The following TRPC4AP variants were observed in gnomAD, a reference collection of about 807,000 sequenced individuals.
TRPC4AP encodes short transient receptor potential channel 4-associated protein.
In TRPC4AP, 45 loss-of-function variants were observed where a neutral mutation model predicts 99.0. The ratio of observed to expected loss-of-function variants is 0.45; its 90% CI spans 0.36 to 0.58. TRPC4AP has a LOEUF of 0.58. TRPC4AP is among the 20% of genes least tolerant of loss of function. The probability of loss-of-function intolerance (pLI) is 0.00; values close to 1 mark genes in which losing one functional copy is unlikely to be tolerated. For missense variants in TRPC4AP, 879 were observed against 985.3 expected (o/e 0.89, Z 1.44); for synonymous variants, 408 against 385.8 (o/e 1.06, Z -0.67).
At chr20:35,023,330 G>C (rs1279051872) in intron 8 of TRPC4AP, among the ~76,000 whole-genome samples, 1 of 152,176 alleles carries the variant, frequency 6.6e-6, no homozygotes, top group Non-Finnish European at 1.5e-5. Flanking sequence ...GTAAGGAGTA[G>C]AGGGATATAC....
intron 1 of TRPC4AP, among the ~76,000 whole-genome samples, chr20:35,086,471 G>GTATA (rs1295152352): frequency 1.2e-5 from 1 of 83,402 alleles, no homozygotes; most frequent in Admixed American, 1.5e-4. Flanking sequence ...GTGTGTGTGT[G>GTATA]TGTGTATGTG....
intron 7 of TRPC4AP, among the ~76,000 whole-genome samples, chr20:35,036,037 A>AT (rs2083308929): frequency 1.3e-5 from 2 of 151,338 alleles, no homozygotes; most frequent in South Asian, 4.1e-4. Flanking sequence ...AAAGATAAAC[A>AT]TTTTTTTAAG....
intron 16 of TRPC4AP, 125 bp downstream of exon 16, chr20:35,005,570 G>T: frequency 1.2e-6 from 1 of 819,316 alleles, no homozygotes; most frequent in Non-Finnish European, 1.9e-6. Flanking sequence ...GCCACCTTGA[G>T]GCCGGCCACG....
chr20:35,028,378 C>T (rs2083081388), intron 8 of TRPC4AP, among the ~76,000 whole-genome samples: 1 of 152,046 alleles, frequency 6.6e-6, no homozygotes, highest in Non-Finnish European at 1.5e-5. Context: ...AGGTGTGAGC[C>T]ACCGCGCCCG....
chr20:35,074,995 G>C (rs1010079293), intron 2 of TRPC4AP, among the ~76,000 whole-genome samples: 1 of 152,120 alleles, frequency 6.6e-6, no homozygotes, highest in Non-Finnish European at 1.5e-5. Context: ...TTGTTGAATT[G>C]ATCCCTTTAC....
At chr20:35,069,533 A>C (rs556997333) in intron 2 of TRPC4AP, 121 bp from the exon 3 acceptor site, 4 of 659,330 alleles carry the variant, frequency 6.1e-6, no homozygotes, top group African/African-American at 3.6e-5. Context: ...ACAGTCCCCA[A>C]TGAACCACAC....
chr20:35,006,434 C>T lies in TRPC4AP; in HGVS notation c.1827+1G>A. The T allele has an allele frequency of 1.9e-6, 3 of 1,614,016 alleles. No homozygotes were observed. Among genetic ancestry groups the T allele is most frequent in the East Asian group, 2.2e-5 (1 of 44,884 alleles). On this transcript the variant is annotated splice_donor_variant, in intron 15 of 18. Transcript: ENST00000252015. LOFTEE classifies it high-confidence loss of function. The stretch of plus-strand genomic sequence containing the variant: ...TCCACAGAGCCCTGGGTTAACTTTA[C>T]CTTTGCATCGGTGTTGATATATTTA...
intron 16 of TRPC4AP, 70 bp downstream of exon 16, chr20:35,005,625 G>A (rs992342042): frequency 4.2e-6 from 6 of 1,433,542 alleles, no homozygotes; most frequent in Non-Finnish European, 5.9e-6. Context: ...TCTCCCTGCT[G>A]GAGACAGGGT....
chr20:35,023,129 T>G (rs1333370674), intron 8 of TRPC4AP, among the ~76,000 whole-genome samples: 2 of 152,164 alleles, frequency 1.3e-5, no homozygotes, highest in Non-Finnish European at 2.9e-5. Flanking sequence ...GACAAGCTGC[T>G]GAATGAAGTG....
intron 1 of TRPC4AP, among the ~76,000 whole-genome samples, chr20:35,080,669 G>A (rs1428857699): frequency 6.6e-6 from 1 of 152,142 alleles, no homozygotes; most frequent in African/African-American, 2.4e-5. Context: ...AAGGCTGTGG[G>A]GATGGGGAAA....
At chr20:35,013,823 T>G (rs2082691169) in intron 10 of TRPC4AP, among the ~76,000 whole-genome samples, 1 of 152,068 alleles carries the variant, frequency 6.6e-6, no homozygotes, top group African/African-American at 2.4e-5. Flanking sequence ...GCATGTACAC[T>G]TGGTGAAAGA....
rs765772248 is a variant in TRPC4AP, at chr20:35,049,892, T to C, written c.631A>G (p.Ile211Val). ...TTTTTAACACCCAAAATATCTTCAA[T>C]GAGGGTTGCTGTTTGTAAGAATGTC... ...KKTFLQTATLIEDILGVKKEM... is the reference protein window; with the variant it reads ...KKTFLQTATLVEDILGVKKEM... The change falls in exon 6 of 19, where the codon ATT (isoleucine) becomes GTT (valine). Residue 211 changes from isoleucine (I) to valine (V), a missense_variant. Physicochemically the swap from Ile to Val is conservative, Grantham distance 29. Coordinates refer to ENST00000252015, the MANE Select transcript of TRPC4AP (RefSeq NM_015638.3). The C allele has an allele frequency of 1.9e-6, 3 of 1,613,676 alleles. No individual in the cohort carries two copies. The highest frequency in any genetic ancestry group is 1.3e-5 in the African/African-American group (1 of 74,914).
Position 35,092,631 on chromosome 20 carries a change from G to C in TRPC4AP, c.151C>G (p.Leu51Val). Residue 51 changes from leucine to valine, a missense_variant, in exon 1 of 19, where the codon CTG becomes GTG. By Grantham distance (32) the Leu-to-Val change is conservative (BLOSUM62 1). This residue lies in a region of TRPC4AP where 603 missense variants were observed against 631.8 expected (regional missense o/e 0.95). Coordinates refer to ENST00000252015, the MANE Select transcript of TRPC4AP (RefSeq NM_015638.3). ...CCTCGTACCTGCACCGCCCGGACCA[G>C]GCCCCGGCCGGTCAGCTGGCCCTGC... ...LRQGQLTGRGLVRAVQFTETF... is the reference protein window; with the variant it reads ...LRQGQLTGRGVVRAVQFTETF... 7.0e-7 allele frequency: 1 copy of C among 1,432,310 alleles called. No homozygotes were observed. Among genetic ancestry groups the C allele is most frequent in the South Asian group, 1.2e-5 (1 of 81,308 alleles). The allele number at this position is 1,432,310 out of a possible 1,614,324, so 88.7% of individuals were successfully genotyped here. A position where few individuals can be genotyped will look rare whatever the true frequency, so the allele number is the denominator to read the frequency against.
intron 10 of TRPC4AP, 100 bp from the exon 11 acceptor site, chr20:35,013,166 G>A: frequency 9.1e-7 from 1 of 1,097,016 alleles, no homozygotes. Context: ...CTAAGCCTCT[G>A]TCCTCATGTA....
chr20:35,050,088 C>A, intron 5 of TRPC4AP, 94 bp from the exon 6 acceptor site: 1 of 1,377,920 alleles, frequency 7.3e-7, no homozygotes, highest in Non-Finnish European at 9.8e-7. Flanking sequence ...AGCAGTTTCA[C>A]CTCTGAAAAC....
At chr20:35,014,711 A>G (rs1420056541) in intron 10 of TRPC4AP, among the ~76,000 whole-genome samples, 1 of 152,184 alleles carries the variant, frequency 6.6e-6, no homozygotes, top group Non-Finnish European at 1.5e-5. Context: ...GGAAGTCCCC[A>G]GAGTGCAGTG....
Position 35,049,851 on chromosome 20 carries a change from G to A in TRPC4AP, c.657+15C>T. ...ACACCCTTCCCCATCTGGTCAGCTA[G>A]AGGACACAGCTCACCTTTTTAACAC... On this transcript the variant is annotated intron_variant, in intron 6 of 18. Transcript: ENST00000252015. 1 of 1,609,122 alleles carries A rather than the reference G, an allele frequency of 6.2e-7. No individual in the cohort carries two copies. Among genetic ancestry groups the A allele is most frequent in the Non-Finnish European group, 8.5e-7 (1 of 1,177,082 alleles).
At chr20:35,018,873 G>A (rs2082819455) in intron 9 of TRPC4AP, among the ~76,000 whole-genome samples, 1 of 152,004 alleles carries the variant, frequency 6.6e-6, no homozygotes, top group African/African-American at 2.4e-5. Context: ...AACATTCTTT[G>A]AACCCAAGTC....
chr20:35,073,470 G>C (rs1322795514), intron 2 of TRPC4AP, among the ~76,000 whole-genome samples: 2 of 152,154 alleles, frequency 1.3e-5, no homozygotes, highest in Non-Finnish European at 2.9e-5. Context: ...CTAGTTTATT[G>C]AGAGTTTTCA....
Sources: gnomAD v4.1 joint callset for allele counts (sites outside exome capture counted in the v4.1 genomes callset) on GRCh38, gnomAD v4.1.1 for gene constraint, gnomAD v4.1.1 regional missense constraint, MANE v1.5 for transcripts, NCBI Gene and HGNC (gene_info 2026-07-23, HGNC 2026-07-21) for gene names.